Variants in FABP7 observed in about 807,000 individuals in gnomAD.
The protein encoded by FABP7 is fatty acid-binding protein, brain.
Under a neutral mutation model 14.2 loss-of-function variants are expected in FABP7, and 13 were observed. The observed-to-expected ratio is 0.91, with a 90% CI of 0.59 to 1.45. The LOEUF is 1.45. Among genes scored for constraint, FABP7 ranks in the 40% most tolerant of loss-of-function variants. The pLI is 0.00. For synonymous variants in FABP7, 49 were observed against 51.4 expected (o/e 0.95, Z 0.20); for missense variants, 149 against 157.6 (o/e 0.95, Z 0.29).
intron 3 of FABP7, chr6:122,782,696 A>G (rs201127639): frequency 1.0e-6 from 1 of 985,388 alleles, no homozygotes; most frequent in East Asian, 1.1e-4. Flanking sequence ...GACAGCAGAG[A>G]AAGTTTTGTT....
the FABP7 span, among the ~76,000 whole-genome samples, chr6:122,759,700 G>A: frequency 1.3e-5 from 2 of 152,164 alleles, no homozygotes; most frequent in Non-Finnish European, 2.9e-5. Flanking sequence ...AATATAAGGA[G>A]GCAGGATTTA....
chr6:122,761,318 G>A, the FABP7 span, among the ~76,000 whole-genome samples: 5 of 152,126 alleles, frequency 3.3e-5, no homozygotes, highest in Non-Finnish European at 7.4e-5. Flanking sequence ...ATTAGACAAA[G>A]AAGAAACCTA....
chr6:122,783,338 T>G (rs1780841539), intron 3 of FABP7: 13 of 984,916 alleles, frequency 1.3e-5, no homozygotes, highest in Non-Finnish European at 1.6e-5. Context: ...AAAATTTATC[T>G]AGGTTAAGAA....
At chr6:122,777,553 C>A (rs1349988093), upstream of FABP7, among the ~76,000 whole-genome samples, 1 of 152,098 alleles carries the variant, frequency 6.6e-6, no homozygotes. Flanking sequence ...GTCAATAAGA[C>A]ACCAAACTAT....
chr6:122,781,199 G>A lies in FABP7; in HGVS notation c.348+5G>A, dbSNP rs1486743834. The A allele has an allele frequency of 6.2e-7, 1 of 1,613,712 alleles. No homozygotes were observed. The highest frequency in any genetic ancestry group is 8.5e-7 in the Non-Finnish European group (1 of 1,179,856). On this transcript the variant is annotated splice_donor_5th_base_variant and intron_variant, in intron 3 of 3. Coordinates refer to ENST00000368444, the MANE Select transcript of FABP7 (RefSeq NM_001446.5). ...AAGGATGGCAAAATGGTTATGGTAA[G>A]TAATGACAATTCTCCATTCTTCCTT...
At chr6:122,782,443 T>C (rs1164894534) in intron 3 of FABP7, 1 of 836,562 alleles carries the variant, frequency 1.2e-6, no homozygotes, top group Non-Finnish European at 1.4e-6. Flanking sequence ...TCTGACTCCA[T>C]CTTTACAAGA....
At chr6:122,761,096 A>T in the FABP7 span, among the ~76,000 whole-genome samples, 1 of 152,082 alleles carries the variant, frequency 6.6e-6, no homozygotes, top group East Asian at 1.9e-4. Context: ...TCTATCTCAA[A>T]GTTTTATTTT....
At chr6:122,783,094 A>T (rs145802845) in intron 3 of FABP7, 1 of 985,074 alleles carries the variant, frequency 1.0e-6, no homozygotes, top group African/African-American at 1.7e-5. Flanking sequence ...GAGCACCAAA[A>T]CCCCCTAAGT....
chr6:122,754,150 T>C, the FABP7 span, among the ~76,000 whole-genome samples: 1 of 152,176 alleles, frequency 6.6e-6, no homozygotes, highest in East Asian at 1.9e-4. Flanking sequence ...CACTTAGCTG[T>C]ATAAGAAATA....
Position 122,783,871 on chromosome 6 carries a change from T to A in FABP7, c.*104T>A. 1.1e-6 allele frequency: 1 copy of A among 944,948 alleles called. No homozygotes were observed. Among genetic ancestry groups the A allele is most frequent in the East Asian group, 2.8e-5 (1 of 35,288 alleles). 58.5% of individuals were successfully genotyped at this position (944,948 alleles called of 1,614,324 possible). A position where few individuals can be genotyped will look rare whatever the true frequency, so the allele number is the denominator to read the frequency against. ...TGGCTGATCATTAATTAGAAGGTTA[T>A]CCTTGGTGTGGAGGTGGAAAATGGT... is the stretch of plus-strand genomic sequence containing the variant. On this transcript the variant is annotated 3_prime_UTR_variant, in exon 4 of 4. Transcript: ENST00000368444.
At chr6:122,764,236 T>G in the FABP7 span, among the ~76,000 whole-genome samples, 1 of 152,106 alleles carries the variant, frequency 6.6e-6, no homozygotes, top group Admixed American at 6.5e-5. Context: ...ATGTCCTTTG[T>G]AGGGACATGG....
chr6:122,777,824 G>A (rs934701254), upstream of FABP7, among the ~76,000 whole-genome samples: 5 of 111,372 alleles, frequency 4.5e-5, no homozygotes, highest in Admixed American at 6.2e-4. Context: ...GCCTGGGTGA[G>A]AGAGCAAGAC....
chr6:122,768,106 A>G, the FABP7 span, among the ~76,000 whole-genome samples: 55 of 152,240 alleles, frequency 3.6e-4, no homozygotes, highest in African/African-American at 9.1e-4. Flanking sequence ...ACCATTAAAC[A>G]TATGAAAATA....
intron 3 of FABP7, chr6:122,781,771 T>G (rs1200145429): frequency 1.1e-6 from 1 of 874,914 alleles, no homozygotes; most frequent in East Asian, 1.3e-4. Flanking sequence ...GATAAAGTCT[T>G]GCTGTGTCAC....
chr6:122,782,537 A>G, intron 3 of FABP7: 4 of 984,632 alleles, frequency 4.1e-6, no homozygotes, highest in Non-Finnish European at 4.8e-6. Flanking sequence ...AGTATCACAA[A>G]CTAGGAGAAA....
At chr6:122,779,165 G>A (rs537132167), upstream of FABP7, among the ~76,000 whole-genome samples, 3 of 152,036 alleles carry the variant, frequency 2.0e-5, no homozygotes, top group South Asian at 6.2e-4. Flanking sequence ...CCTCCTCCCC[G>A]CCCTCTTTTT....
the FABP7 span, among the ~76,000 whole-genome samples, chr6:122,755,852 TCA>T: frequency 6.6e-6 from 1 of 152,026 alleles, no homozygotes; most frequent in Non-Finnish European, 1.5e-5. Flanking sequence ...ATGAAAAAAT[TCA>T]CACAGACACA....
the FABP7 span, among the ~76,000 whole-genome samples, chr6:122,764,990 A>G: frequency 2.0e-5 from 3 of 152,198 alleles, no homozygotes; most frequent in African/African-American, 7.2e-5. Context: ...TGCCTAATGT[A>G]GTTTCTTCCT....
At chr6:122,775,742 A>T (rs988539063), upstream of FABP7, among the ~76,000 whole-genome samples, 1 of 152,104 alleles carries the variant, frequency 6.6e-6, no homozygotes, top group African/African-American at 2.4e-5. Context: ...CAAAGCGGAG[A>T]GAAAACCTAC....
Sources: allele counts gnomAD v4.1 joint callset (sites outside exome capture counted in the v4.1 genomes callset), GRCh38; gene constraint gnomAD v4.1.1; transcripts MANE v1.5; gene names NCBI Gene and HGNC (gene_info 2026-07-23, HGNC 2026-07-21).